Variants in IQCJ observed in about 807,000 individuals in gnomAD.
IQCJ encodes IQ motif containing J.
A neutral mutation model predicts 11.0 loss-of-function variants in IQCJ; 9 were observed. The observed-to-expected ratio is 0.82, with a 90% CI of 0.49 to 1.43. IQCJ has a LOEUF of 1.43. IQCJ is among the 40% of genes most tolerant of loss of function. IQCJ has a pLI of 0.00. For synonymous variants in IQCJ, 55 were observed against 51.3 expected, an observed-to-expected ratio of 1.07 and a Z score of -0.31; for missense variants, 146 against 133.2, an observed-to-expected ratio of 1.10 and a Z score of -0.47.
chr3:159,161,486 C>T (rs373774689), intron 1 of IQCJ, among the ~76,000 whole-genome samples: 15 of 152,226 alleles, frequency 9.9e-5, no homozygotes, highest in South Asian at 4.1e-4. Flanking sequence ...AGGTTGCCTG[C>T]TCACTCTGAT....
At chr3:159,138,052 G>A (rs1031957099) in intron 1 of IQCJ, among the ~76,000 whole-genome samples, 1 of 152,062 alleles carries the variant, frequency 6.6e-6, no homozygotes, top group African/African-American at 2.4e-5. Context: ...ACATTTCTTG[G>A]AAGTAAATGT....
At chr3:159,108,384 A>G (rs1366215555) in intron 1 of IQCJ, among the ~76,000 whole-genome samples, 2 of 152,198 alleles carry the variant, frequency 1.3e-5, no homozygotes, top group African/African-American at 4.8e-5. Flanking sequence ...AAAGAGATAA[A>G]AGCTTAAATC....
At chr3:159,089,104 G>A (rs974654683) in intron 1 of IQCJ, among the ~76,000 whole-genome samples, 5 of 152,052 alleles carry the variant, frequency 3.3e-5, no homozygotes, top group Admixed American at 6.5e-5. Flanking sequence ...AGCTCTTTTA[G>A]GGCAGGCCTG....
chr3:159,137,263 G>GAA (rs60336189), intron 1 of IQCJ, among the ~76,000 whole-genome samples: 2,932 of 127,072 alleles, frequency 0.023, 100 homozygotes, highest in African/African-American at 0.078. Flanking sequence ...CTCCATCTTG[G>GAA]AAAAAAAAAA....
intron 1 of IQCJ, among the ~76,000 whole-genome samples, chr3:159,140,805 G>A (rs1362716362): frequency 1.3e-5 from 2 of 152,268 alleles, no homozygotes; most frequent in Admixed American, 1.3e-4. Context: ...CAACAAATGA[G>A]CCCACCAAAC....
chr3:159,157,984 T>C (rs1721628483), intron 1 of IQCJ, among the ~76,000 whole-genome samples: 1 of 152,196 alleles, frequency 6.6e-6, no homozygotes, highest in African/African-American at 2.4e-5. Flanking sequence ...AATCCTTTTC[T>C]ATCACAAACA....
intron 1 of IQCJ, among the ~76,000 whole-genome samples, chr3:159,120,372 T>C (rs1458180430): frequency 6.6e-6 from 1 of 152,258 alleles, no homozygotes; most frequent in South Asian, 2.1e-4. Flanking sequence ...CATGGTTCTG[T>C]TGCTTTCCAG....
intron 1 of IQCJ, among the ~76,000 whole-genome samples, chr3:159,150,583 A>AAC (rs373030886): frequency 0.24 from 35,134 of 146,004 alleles, 4,188 homozygotes; most frequent in Non-Finnish European, 0.3. Flanking sequence ...CATTGTCCCC[A>AAC]ACACACACAC....
At chr3:159,240,466 C>T (rs762591144) in intron 1 of IQCJ, among the ~76,000 whole-genome samples, 9 of 152,114 alleles carry the variant, frequency 5.9e-5, no homozygotes, top group African/African-American at 9.7e-5. Flanking sequence ...CAAATGACCT[C>T]GTTAAGACTT....
intron 1 of IQCJ, among the ~76,000 whole-genome samples, chr3:159,143,172 A>G (rs1720726245): frequency 6.6e-6 from 1 of 152,220 alleles, no homozygotes; most frequent in Non-Finnish European, 1.5e-5. Flanking sequence ...ATAGCCAATG[A>G]TGAAGTGTGA....
chr3:159,071,365 A>G (rs988844675), intron 1 of IQCJ, among the ~76,000 whole-genome samples: 7 of 151,956 alleles, frequency 4.6e-5, no homozygotes, highest in Non-Finnish European at 7.4e-5. Context: ...TTCATTTCCA[A>G]TGTTGTAAAT....
chr3:159,078,259 C>T lies in IQCJ; in HGVS notation c.9+8818C>T, dbSNP rs191344198. ...TTAAGGTTTGTCTGTATTTCTAAAA[C>T]CCCTCACTCGGTCTTTTGCAAAATG... On this transcript the variant is annotated intron_variant, in intron 1 of 3. Transcript: ENST00000397832. Among the ~76,000 whole-genome samples, 12 of 150,944 alleles carry T rather than the reference C, an allele frequency of 7.9e-5. No homozygotes were observed. The East Asian group carries it at 2.3e-3, about 29-fold the overall frequency.
intron 1 of IQCJ, among the ~76,000 whole-genome samples, chr3:159,070,510 A>C (rs1189139183): frequency 6.6e-6 from 1 of 152,160 alleles, no homozygotes; most frequent in Non-Finnish European, 1.5e-5. Context: ...TGGTGAGCTA[A>C]TTATGACTAC....
At chr3:159,105,831 A>G (rs1298228131) in intron 1 of IQCJ, among the ~76,000 whole-genome samples, 1 of 152,200 alleles carries the variant, frequency 6.6e-6, no homozygotes, top group Admixed American at 6.5e-5. Context: ...ACGCAGCCGT[A>G]TAGGACATGA....
At chr3:159,158,853 T>G (rs539799127) in intron 1 of IQCJ, among the ~76,000 whole-genome samples, 2 of 152,316 alleles carry the variant, frequency 1.3e-5, no homozygotes, top group East Asian at 3.9e-4. Context: ...CCTAGTGTCC[T>G]AAAATTTATA....
intron 1 of IQCJ, among the ~76,000 whole-genome samples, chr3:159,150,740 C>A (rs1721167004): frequency 6.6e-6 from 1 of 152,146 alleles, no homozygotes. Context: ...GTTGAAGTAG[C>A]AAGTGTAGAA....
At chr3:159,204,607 G>T (rs1241954939) in intron 1 of IQCJ, among the ~76,000 whole-genome samples, 1 of 152,196 alleles carries the variant, frequency 6.6e-6, no homozygotes, top group Non-Finnish European at 1.5e-5. Flanking sequence ...ATATTGTATT[G>T]GTTAAAGCAG....
intron 1 of IQCJ, among the ~76,000 whole-genome samples, chr3:159,084,404 G>A (rs1414721650): frequency 6.6e-6 from 1 of 151,966 alleles, no homozygotes; most frequent in African/African-American, 2.4e-5. Context: ...TGGTAAATCT[G>A]GGAGTTGTTT....
chr3:159,256,177 C>T (rs1235026425), intron 3 of IQCJ, among the ~76,000 whole-genome samples: 2 of 152,188 alleles, frequency 1.3e-5, no homozygotes, highest in Admixed American at 1.3e-4. Flanking sequence ...CAATCCCCTT[C>T]CATACATTTT....
Sources: gnomAD v4.1 joint callset for allele counts (sites outside exome capture counted in the v4.1 genomes callset) on GRCh38, gnomAD v4.1.1 for gene constraint, MANE v1.5 for transcripts, NCBI Gene and HGNC (gene_info 2026-07-23, HGNC 2026-07-21) for gene names.